CTNNA2: variants seen among roughly 807,000 people sequenced by gnomAD.
CTNNA2 encodes catenin alpha-2.
CTNNA2 carries 42 observed loss-of-function variants against 101.0 expected under a neutral mutation model. The ratio of observed to expected loss-of-function variants is 0.42; its 90% confidence interval spans 0.32 to 0.54. The LOEUF (loss-of-function observed/expected upper bound fraction) is 0.54, where lower values mean the gene tolerates loss of function less well. Among genes scored for constraint, CTNNA2 ranks in the 20% least tolerant of loss-of-function variants. The pLI, the probability that CTNNA2 is intolerant of heterozygous loss-of-function variation, is 0.14. For missense variants in CTNNA2, 871 were observed against 1,223.1 expected, an observed-to-expected ratio of 0.71 and a Z score of 4.29; for synonymous variants, 450 against 456.4, an observed-to-expected ratio of 0.99 and a Z score of 0.18.
chr2:79,952,841 A>C (rs541489266), intron 7 of CTNNA2, among the ~76,000 whole-genome samples: 1 of 152,344 alleles, frequency 6.6e-6, no homozygotes. Context: ...TGAAAAGATG[A>C]AAGTATTTAC....
chr2:80,408,898 TTCC>T lies in CTNNA2; in HGVS notation c.1138-10548_1138-10546del, dbSNP rs540204331. The stretch of plus-strand genomic sequence containing the variant: ...TATATGCAACCAGAGGATCCTCTCT[TTCC>T]TCATCTAAACAACACAAATAACGAT... On this transcript the variant is annotated intron_variant, in intron 8 of 18. Coordinates refer to ENST00000402739, the MANE Select transcript of CTNNA2 (RefSeq NM_001282597.3). Among the ~76,000 whole-genome samples, 12 of 152,262 alleles carry T rather than the reference TTCC, an allele frequency of 7.9e-5. No homozygotes were observed. The East Asian group carries it at 2.1e-3, about 27-fold the overall frequency.
intron 9 of CTNNA2, among the ~76,000 whole-genome samples, chr2:80,423,284 G>C (rs1234644371): frequency 6.6e-6 from 1 of 151,296 alleles, no homozygotes; most frequent in African/African-American, 2.4e-5. Flanking sequence ...TTAATTTCTT[G>C]CCTTTCTTAT....
chr2:80,529,289 A>C (rs1449173811), intron 9 of CTNNA2, among the ~76,000 whole-genome samples: 1 of 152,226 alleles, frequency 6.6e-6, no homozygotes, highest in Non-Finnish European at 1.5e-5. Context: ...TCTTAGCTTT[A>C]AAACCATACA....
At chr2:80,169,468 A>T (rs1704910132) in intron 7 of CTNNA2, among the ~76,000 whole-genome samples, 1 of 152,174 alleles carries the variant, frequency 6.6e-6, no homozygotes, top group Non-Finnish European at 1.5e-5. Flanking sequence ...GAAAATATTT[A>T]AGTTTGTTTG....
chr2:80,260,328 A>T (rs1351579821), intron 7 of CTNNA2, among the ~76,000 whole-genome samples: 4 of 152,186 alleles, frequency 2.6e-5, no homozygotes, highest in Non-Finnish European at 5.9e-5. Context: ...TAAAGTGTAT[A>T]TTTTGTAGAA....
intron 18 of CTNNA2, among the ~76,000 whole-genome samples, chr2:80,628,144 C>G (rs1671881884): frequency 6.6e-6 from 1 of 152,046 alleles, no homozygotes; most frequent in Non-Finnish European, 1.5e-5. Flanking sequence ...GCATTCCATG[C>G]TCATGGATAG....
At chr2:79,823,693 T>G (rs189081757) in intron 3 of CTNNA2, among the ~76,000 whole-genome samples, 4 of 152,304 alleles carry the variant, frequency 2.6e-5, no homozygotes, top group Non-Finnish European at 5.9e-5. Context: ...TTTTATCATT[T>G]ACCTACAAAT....
intron 12 of CTNNA2, among the ~76,000 whole-genome samples, chr2:80,562,920 G>T (rs12464360): frequency 2.6e-5 from 4 of 151,922 alleles, no homozygotes; most frequent in African/African-American, 4.8e-5. Flanking sequence ...AACCCTTAAC[G>T]TGAAGGTGGA....
intron 2 of CTNNA2, chr2:79,293,235 G>T (rs1675874963): frequency 6.6e-6 from 1 of 152,068 alleles, no homozygotes; most frequent in Admixed American, 6.6e-5. Context: ...CCACATTTTG[G>T]ATTTTACCTA....
chr2:79,638,813 A>T (rs779595805), intron 1 of CTNNA2, among the ~76,000 whole-genome samples: 1 of 152,216 alleles, frequency 6.6e-6, no homozygotes, highest in African/African-American at 2.4e-5. Flanking sequence ...TAAAAATACA[A>T]GTCCTTAGGT....
At chr2:80,265,451 T>C (rs1481082316) in intron 7 of CTNNA2, among the ~76,000 whole-genome samples, 1 of 152,142 alleles carries the variant, frequency 6.6e-6, no homozygotes, top group Admixed American at 6.5e-5. Flanking sequence ...GCAGTGGCAT[T>C]GGGAATGGAA....
At chr2:80,245,793 ACT>A (rs1491554190) in intron 7 of CTNNA2, among the ~76,000 whole-genome samples, 8 of 117,604 alleles carry the variant, frequency 6.8e-5, no homozygotes, top group African/African-American at 2.8e-4. Flanking sequence ...TTATGATTTA[ACT>A]TTTTTTTTTT....
intron 9 of CTNNA2, among the ~76,000 whole-genome samples, chr2:80,543,763 T>G (rs1466326286): frequency 6.6e-6 from 1 of 152,160 alleles, no homozygotes; most frequent in African/African-American, 2.4e-5. Context: ...GGGTGGTACA[T>G]TCTAAAATCC....
At chr2:79,626,980 T>C (rs1161215744) in intron 1 of CTNNA2, among the ~76,000 whole-genome samples, 1 of 152,220 alleles carries the variant, frequency 6.6e-6, no homozygotes, top group East Asian at 1.9e-4. Flanking sequence ...ATTGTGACTC[T>C]GATAAAGAAG....
intron 4 of CTNNA2, among the ~76,000 whole-genome samples, chr2:79,391,952 C>T (rs990913764): frequency 9.2e-5 from 14 of 152,144 alleles, no homozygotes; most frequent in African/African-American, 3.4e-4. Flanking sequence ...ATAATCATTC[C>T]TCTGTGCGCT....
chr2:80,301,092 C>G (rs1375819056), intron 7 of CTNNA2, among the ~76,000 whole-genome samples: 3 of 152,186 alleles, frequency 2.0e-5, no homozygotes, highest in African/African-American at 7.2e-5. Flanking sequence ...ACTCTCCCCA[C>G]CCCATCACTG....
At chr2:80,385,436 T>C (rs570749230) in intron 7 of CTNNA2, among the ~76,000 whole-genome samples, 58 of 152,238 alleles carry the variant, frequency 3.8e-4, no homozygotes, top group Non-Finnish European at 7.5e-4. Context: ...GACACAGAGG[T>C]CTGCCAATGC....
At chr2:79,949,746 C>T (rs1417271709) in intron 7 of CTNNA2, among the ~76,000 whole-genome samples, 1 of 152,100 alleles carries the variant, frequency 6.6e-6, no homozygotes, top group African/African-American at 2.4e-5. Context: ...CCACTGCCCT[C>T]CAGCCTGGGT....
intron 2 of CTNNA2, among the ~76,000 whole-genome samples, chr2:79,736,967 A>G (rs1233858610): frequency 6.6e-6 from 1 of 152,196 alleles, no homozygotes. Flanking sequence ...CTTTCCCACC[A>G]AAAGACGGTG....
Sources: allele counts gnomAD v4.1 joint callset (sites outside exome capture counted in the v4.1 genomes callset), GRCh38; gene constraint gnomAD v4.1.1; transcripts MANE v1.5; gene names NCBI Gene and HGNC (gene_info 2026-07-23, HGNC 2026-07-21).